FAM171B: variants seen among roughly 807,000 people sequenced by gnomAD.
FAM171B encodes the protein family with sequence similarity 171 member B.
FAM171B carries 19 observed loss-of-function variants against 75.6 expected under a neutral mutation model. The ratio of observed to expected loss-of-function variants is 0.25; its 90% confidence interval spans 0.18 to 0.37. The LOEUF is 0.37. FAM171B is among the 10% of genes least tolerant of loss of function. The probability of loss-of-function intolerance (pLI) is 1.00; values close to 1 mark genes in which losing one functional copy is unlikely to be tolerated. For synonymous variants in FAM171B, 367 were observed against 361.7 expected (o/e 1.01, Z -0.17); for missense variants, 848 against 982.4 (o/e 0.86, Z 1.83).
intron 1 of FAM171B, among the ~76,000 whole-genome samples, chr2:186,704,451 C>T (rs1689707319): frequency 6.6e-6 from 1 of 152,078 alleles, no homozygotes; most frequent in Admixed American, 6.6e-5. Context: ...ATGACCTTCT[C>T]TTATGTTCTT....
In FAM171B at chr2:186,740,132, T is replaced by C. The variant is rs1690266058; in HGVS notation, c.239-96T>C. On this transcript the variant is annotated intron_variant, in intron 1 of 7. Transcript: ENST00000304698. ...TAGTTCCTAAGTTTAACAACAGTTTTGTACTGTTATTTAGATATGTTGAAT... is the reference window on the plus strand; with the variant it reads ...TAGTTCCTAAGTTTAACAACAGTTTCGTACTGTTATTTAGATATGTTGAAT... 3 of 784,058 alleles carry C rather than the reference T, an allele frequency of 3.8e-6. No individual in the cohort carries two copies. The South Asian group carries it at 5.4e-5, about 14-fold the overall frequency. The allele number at this position is 784,058 out of a possible 1,614,324, so 48.6% of individuals were successfully genotyped here.
At chr2:186,760,434 AAAAT>A (rs1559094303) in intron 6 of FAM171B, among the ~76,000 whole-genome samples, 1 of 152,170 alleles carries the variant, frequency 6.6e-6, no homozygotes, top group Non-Finnish European at 1.5e-5. Context: ...ATCTAGATAA[AAAAT>A]AAATGCAGCT....
At chr2:186,749,175 TATTAG>T (rs2105789097) in intron 4 of FAM171B, among the ~76,000 whole-genome samples, 1 of 152,350 alleles carries the variant, frequency 6.6e-6, no homozygotes, top group Non-Finnish European at 1.5e-5. Context: ...GTGGTCACTT[TATTAG>T]ATTACACAGT....
chr2:186,745,062 T>C (rs1209069556), intron 3 of FAM171B, among the ~76,000 whole-genome samples: 1 of 152,126 alleles, frequency 6.6e-6, no homozygotes, highest in East Asian at 1.9e-4. Flanking sequence ...ACTCCTGACC[T>C]CAAGCGATCC....
At chr2:186,744,131 T>A (rs138675275) in intron 3 of FAM171B, among the ~76,000 whole-genome samples, 4 of 152,324 alleles carry the variant, frequency 2.6e-5, no homozygotes, top group South Asian at 2.1e-4. Context: ...GATTGTTTCA[T>A]CCTAACTCCC....
chr2:186,724,729 G>A (rs2682866), intron 1 of FAM171B, among the ~76,000 whole-genome samples: 141,445 of 152,128 alleles, frequency 0.93, 66,333 homozygotes, highest in Middle Eastern at 1. Context: ...AATTCTAGGA[G>A]GAAGGAATTA....
rs55683607 is a variant in FAM171B at position 186,736,567 on chromosome 2, G to GT, written c.239-3661_239-3660insT. Among the ~76,000 whole-genome samples the GT allele has an allele frequency of 1.6e-4, 17 of 104,618 alleles. No individual in the cohort carries two copies. In the South Asian group the frequency reaches 3.5e-3, roughly 21 times the overall value. The allele number at this position is 104,618 out of a possible 152,430, so 68.6% of individuals were successfully genotyped here. A position where few individuals can be genotyped will look rare whatever the true frequency, so the allele number is the denominator to read the frequency against. On this transcript the variant is annotated intron_variant, in intron 1 of 7. Transcript: ENST00000304698. ...GTGTGTGTGTGTGTGTGTGTGTGTG[G>GT]GAGAGAGAGAGAGAGAGAGAGAATG...
intron 6 of FAM171B, 31 bp downstream of exon 6, chr2:186,754,080 T>G: frequency 6.6e-7 from 1 of 1,504,876 alleles, no homozygotes; most frequent in African/African-American, 1.4e-5. Context: ...AATTAAAACA[T>G]GTAATTCAAA....
chr2:186,734,436 C>T (rs868751406), intron 1 of FAM171B, among the ~76,000 whole-genome samples: 3 of 151,882 alleles, frequency 2.0e-5, no homozygotes, highest in South Asian at 2.1e-4. Flanking sequence ...GTGCAGCCCT[C>T]AATGGAGAGA....
At chr2:186,728,665 G>A (rs546530852) in intron 1 of FAM171B, among the ~76,000 whole-genome samples, 4 of 152,088 alleles carry the variant, frequency 2.6e-5, no homozygotes, top group South Asian at 4.1e-4. Context: ...TTTTATTTTA[G>A]CAATGTATTC....
chr2:186,761,013 A>G (rs1398518292), intron 6 of FAM171B, 100 bp from the exon 7 acceptor site: 13 of 1,251,658 alleles, frequency 1.0e-5, no homozygotes, highest in Non-Finnish European at 1.2e-5. Context: ...AAACAAATAA[A>G]AGTATGTACA....
At chr2:186,743,396 TGAGAC>T in intron 2 of FAM171B, 82 bp from the exon 3 acceptor site, 2 of 844,814 alleles carry the variant, frequency 2.4e-6, no homozygotes, top group Non-Finnish European at 3.8e-6. Context: ...ACACACTTTT[TGAGAC>T]TTGCTGTTAC....
Position 186,762,246 on chromosome 2 carries a change from G to A in FAM171B, c.1904G>A (p.Gly635Glu), listed in dbSNP as rs1445631953. Reference sequence around the variant, plus strand: ...TTACTGGAATCCGTCTCTGTTCCTGGAACACTAAATGAGGCTGTTGTAATG... The same window carrying A: ...TTACTGGAATCCGTCTCTGTTCCTGAAACACTAAATGAGGCTGTTGTAATG... Reference protein sequence around the residue: ...SSLLESVSVPGTLNEAVVMTP... With the variant: ...SSLLESVSVPETLNEAVVMTP... Residue 635 changes from glycine (G) to glutamate (E), a missense_variant, in exon 8 of 8, where the codon GGA becomes GAA. Gly to Glu is a moderately conservative substitution (Grantham distance 98). Around this residue, in one of 3 missense-constraint regions of FAM171B, gnomAD observed 47 missense variants for 94.0 expected, o/e 0.50. Coordinates refer to ENST00000304698, the MANE Select transcript of FAM171B (RefSeq NM_177454.4). The surrounding 1 kb of genome is among the most constrained non-coding windows in gnomAD (Gnocchi z 4.0). 1 of 1,613,574 alleles carries A rather than the reference G, an allele frequency of 6.2e-7. No homozygotes were observed. The highest frequency in any genetic ancestry group is 8.5e-7 in the Non-Finnish European group (1 of 1,179,786).
chr2:186,737,963 C>T (rs888328725), intron 1 of FAM171B, among the ~76,000 whole-genome samples: 4 of 152,224 alleles, frequency 2.6e-5, no homozygotes, highest in African/African-American at 7.2e-5. Context: ...ATCCCACACC[C>T]GCTGTGGCTC....
chr2:186,742,781 GA>G (rs1270716476), intron 2 of FAM171B, among the ~76,000 whole-genome samples: 2 of 152,154 alleles, frequency 1.3e-5, no homozygotes, highest in African/African-American at 4.8e-5. Flanking sequence ...TGATAAGTTT[GA>G]TTTGATCTTG....
At position 186,765,839 on chromosome 2, in the gene FAM171B, C is replaced by G. The variant is rs1249600997; in HGVS notation, c.*3016C>G. Reference sequence around the variant, plus strand: ...TTTTTGTATTCTTTCAGAGAAATCTCATATTTCGGTGTATTTATTGCTGTT... The same window carrying G: ...TTTTTGTATTCTTTCAGAGAAATCTGATATTTCGGTGTATTTATTGCTGTT... On this transcript the variant is annotated 3_prime_UTR_variant, in exon 8 of 8. Transcript: ENST00000304698. The G allele has an allele frequency of 1.3e-5, 2 of 152,040 alleles. No homozygotes were observed. Among genetic ancestry groups the G allele is most frequent in the African/African-American group, 2.4e-5 (1 of 41,404 alleles). 9.4% of individuals were successfully genotyped at this position (152,040 alleles called of 1,614,324 possible).
At chr2:186,756,227 G>A (rs936998840) in intron 6 of FAM171B, among the ~76,000 whole-genome samples, 1 of 107,370 alleles carries the variant, frequency 9.3e-6, no homozygotes, top group Non-Finnish European at 2.2e-5. Context: ...TGGGATTCTT[G>A]TTTAGTTTGA....
intron 1 of FAM171B, among the ~76,000 whole-genome samples, chr2:186,723,442 C>G (rs1412280345): frequency 6.6e-6 from 1 of 151,608 alleles, no homozygotes; most frequent in Non-Finnish European, 1.5e-5. Flanking sequence ...GAGACTTTCC[C>G]CCTTATGTCT....
chr2:186,747,170 C>T lies in FAM171B; in HGVS notation c.644C>T (p.Thr215Ile), dbSNP rs566339266. ...GACAACCATCATATTAGCAACGTTA[C>T]TGGCTATCTTACAGTTCTACAACAG... ...LPDNHHISNVTGYLTVLQQFL... is the reference protein window; with the variant it reads ...LPDNHHISNVIGYLTVLQQFL... The change falls in exon 4 of 8, where the codon ACT (threonine) becomes ATT (isoleucine). Residue 215 changes from threonine to isoleucine, a missense_variant. Around this residue, in one of 3 missense-constraint regions of FAM171B, gnomAD observed 665 missense variants for 729.0 expected, o/e 0.91. Transcript: ENST00000304698. The T allele has an allele frequency of 6.2e-7, 1 of 1,608,934 alleles. No homozygotes were observed. Among genetic ancestry groups the T allele is most frequent in the East Asian group, 2.2e-5 (1 of 44,578 alleles).
Sources: allele counts gnomAD v4.1 joint callset (sites outside exome capture counted in the v4.1 genomes callset), GRCh38; gene constraint gnomAD v4.1.1; regional missense constraint gnomAD v4.1.1; non-coding constraint Gnocchi (gnomAD v3.1); transcripts MANE v1.5; gene names NCBI Gene and HGNC (gene_info 2026-07-23, HGNC 2026-07-21).